The following MROH7 variants were observed in gnomAD, a reference collection of about 807,000 sequenced individuals.
The protein encoded by MROH7 is maestro heat-like repeat-containing protein family member 7.
Under a neutral mutation model 129.2 loss-of-function variants are expected in MROH7, and 113 were observed. The ratio of observed to expected loss-of-function variants is 0.87; its 90% confidence interval spans 0.75 to 1.02. The LOEUF (loss-of-function observed/expected upper bound fraction) is 1.02. MROH7 is among the 50% of genes least tolerant of loss of function. The pLI is 0.00. For synonymous variants in MROH7, 655 were observed against 667.9 expected, an observed-to-expected ratio of 0.98 and a Z score of 0.30; for missense variants, 1,601 against 1,671.3, an observed-to-expected ratio of 0.96 and a Z score of 0.73.
At chr1:54,677,412 AAAACAAAACAAAAC>A (rs1557709498) in intron 10 of MROH7, among the ~76,000 whole-genome samples, 3 of 152,198 alleles carry the variant, frequency 2.0e-5, no homozygotes, top group East Asian at 1.9e-4. Context: ...ACAAACAAAC[AAAACAAAACAAAAC>A]AAACAAAACA....
intron 19 of MROH7, 82 bp downstream of exon 19, chr1:54,701,404 GC>G: frequency 7.9e-7 from 1 of 1,270,880 alleles, no homozygotes. Context: ...TTCCACCTGT[GC>G]CCCCATCAGG....
chr1:54,681,874 G>T (rs1560854), intron 13 of MROH7, among the ~76,000 whole-genome samples: 18,083 of 152,168 alleles, frequency 0.12, 1,617 homozygotes, highest in African/African-American at 0.25. Flanking sequence ...GCCATATCTG[G>T]ACTCTGCAGC....
intron 16 of MROH7, among the ~76,000 whole-genome samples, chr1:54,693,005 C>T (rs370471378): frequency 6.6e-6 from 1 of 152,136 alleles, no homozygotes; most frequent in East Asian, 1.9e-4. Flanking sequence ...TAGTCAGACC[C>T]ACCTCTGAGG....
At chr1:54,701,591 T>C (rs1272586268) in intron 19 of MROH7, among the ~76,000 whole-genome samples, 3 of 152,212 alleles carry the variant, frequency 2.0e-5, no homozygotes, top group Non-Finnish European at 4.4e-5. Flanking sequence ...GGGGGTACTT[T>C]CTTTTTAAAG....
chr1:54,686,514 C>T (rs1433863162), intron 15 of MROH7, 66 bp downstream of exon 15: 14 of 1,445,292 alleles, frequency 9.7e-6, no homozygotes, highest in Non-Finnish European at 1.3e-5. Context: ...CAGTCAGAGC[C>T]TCCAAAAGTC....
chr1:54,681,894 G>C (rs1475985635), intron 13 of MROH7, among the ~76,000 whole-genome samples: 2 of 152,158 alleles, frequency 1.3e-5, no homozygotes, highest in Non-Finnish European at 1.5e-5. Flanking sequence ...CTCATTAGCT[G>C]TGTAATCTTG....
At chr1:54,666,362 G>T (rs1644814172) in intron 4 of MROH7, among the ~76,000 whole-genome samples, 1 of 150,980 alleles carries the variant, frequency 6.6e-6, no homozygotes, top group Non-Finnish European at 1.5e-5. Flanking sequence ...CCATTTTGAG[G>T]TTACAGAAAA....
At chr1:54,680,093 C>G (rs540380482) in intron 13 of MROH7, 48 bp downstream of exon 13, 1 of 1,581,972 alleles carries the variant, frequency 6.3e-7, no homozygotes, top group Non-Finnish European at 8.7e-7. Context: ...AGGGTTCAAG[C>G]AGCCCCCACC....
intron 10 of MROH7, among the ~76,000 whole-genome samples, chr1:54,674,791 C>G (rs1644955918): frequency 1.3e-5 from 2 of 152,144 alleles, no homozygotes; most frequent in Admixed American, 6.5e-5. Context: ...CTTTCTCCAT[C>G]ATCCTAGCTC....
At position 54,685,142 on chromosome 1, in the gene MROH7, G is replaced by A. The variant is rs1020830639; in HGVS notation, c.2521-1116G>A. Among the ~76,000 whole-genome samples, 12 of 151,946 alleles carry A rather than the reference G, an allele frequency of 7.9e-5. No homozygotes were observed. In the East Asian group the frequency reaches 9.7e-4, roughly 12 times the overall value. ...AGTGATTCTCATGCCTCAGCTTCCCGAGCAGCTGGGACTACAGGCACCCGC... is the reference window on the plus strand; with the variant it reads ...AGTGATTCTCATGCCTCAGCTTCCCAAGCAGCTGGGACTACAGGCACCCGC... On this transcript the variant is annotated intron_variant, in intron 14 of 23. Coordinates refer to ENST00000421030, the MANE Select transcript of MROH7 (RefSeq NM_001039464.4).
chr1:54,643,782 A>G (rs941904130), intron 1 of MROH7, among the ~76,000 whole-genome samples: 3 of 152,336 alleles, frequency 2.0e-5, no homozygotes, highest in African/African-American at 7.2e-5. Flanking sequence ...TTTTTATTTC[A>G]TCTGAGAATG....
In MROH7 at chr1:54,654,150, C is replaced by T. The variant is rs777447120; in HGVS notation, c.1224C>T (p.Ile408=). ...AGGACGCCGTGACCTTGCAAGGCAT[C>T]CCTGAGGGTAAGGCCAGGGCCGCAG... ...AGKDAVTLQG[I]PEGAFDEVTS... is the part of the protein sequence containing the mutation. The change falls in exon 3 of 24, where the codon ATC becomes ATT. Residue 408 remains isoleucine, a synonymous_variant. Transcript: ENST00000421030. 1 of 1,607,788 alleles carries T rather than the reference C, an allele frequency of 6.2e-7. No homozygotes were observed. The highest frequency in any genetic ancestry group is 1.1e-5 in the South Asian group (1 of 89,736).
At chr1:54,693,604 G>T (rs1381064274) in intron 16 of MROH7, among the ~76,000 whole-genome samples, 1 of 152,144 alleles carries the variant, frequency 6.6e-6, no homozygotes, top group East Asian at 1.9e-4. Context: ...CATGGCAGAG[G>T]TGGGAAGTGA....
In MROH7 at chr1:54,670,863, C is replaced by T. The variant is rs771116187; in HGVS notation, c.1533C>T (p.Ser511=). 15 of 1,613,546 alleles carry T rather than the reference C, an allele frequency of 9.3e-6. No homozygotes were observed. The highest frequency in any genetic ancestry group is 3.3e-5 in the South Asian group (3 of 90,888). Residue 511 remains serine (S), a synonymous_variant, in exon 7 of 24, where the codon AGC becomes AGT. Coordinates refer to ENST00000421030, the MANE Select transcript of MROH7 (RefSeq NM_001039464.4). ...AGCTGGTGAACGTGTGTGTGCACAG[C>T]GTGTTCTCCCTGCCCTCCGTGCAGG... The part of the protein sequence containing the change: ...RSELVNVCVH[S]VFSLPSVQAM...
intron 14 of MROH7, among the ~76,000 whole-genome samples, chr1:54,683,056 G>A (rs1274180615): frequency 6.6e-6 from 1 of 152,124 alleles, no homozygotes; most frequent in Non-Finnish European, 1.5e-5. Flanking sequence ...TCCTGGTTCT[G>A]GCCAGGCATG....
Position 54,678,746 on chromosome 1 carries a change from C to T in MROH7, c.1941C>T (p.Ala647=), listed in dbSNP as rs190794256. 218 of 1,612,222 alleles carry T rather than the reference C, an allele frequency of 1.4e-4. 2 individuals carry two copies. The East Asian group carries it at 4.1e-3, about 30-fold the overall frequency. The part of the protein sequence containing the change: ...LYTILELQKR[A]RDKEETNKKE... ...GAGAAGGTTCTCATCTTGCAGGAGC[C>T]AGAGATAAGGAAGAGACCAACAAAA... Residue 647 remains alanine, a synonymous_variant, in exon 11 of 24, where the codon GCC becomes GCT. Coordinates refer to ENST00000421030, the MANE Select transcript of MROH7 (RefSeq NM_001039464.4).
intron 15 of MROH7, among the ~76,000 whole-genome samples, chr1:54,688,367 C>T (rs1454447396): frequency 6.6e-6 from 1 of 151,886 alleles, no homozygotes; most frequent in Non-Finnish European, 1.5e-5. Flanking sequence ...CCACCATGTC[C>T]AGGCCAGAAA....
intron 22 of MROH7, 132 bp from the exon 23 acceptor site, chr1:54,708,882 A>C (rs1381925567): frequency 5.3e-6 from 4 of 748,384 alleles, no homozygotes; most frequent in Non-Finnish European, 9.2e-6. Flanking sequence ...GTCCAAATGA[A>C]GTTTTGTGTT....
intron 3 of MROH7, among the ~76,000 whole-genome samples, chr1:54,664,382 G>A (rs951697552): frequency 2.0e-5 from 3 of 152,248 alleles, no homozygotes; most frequent in Admixed American, 2.0e-4. Context: ...CAGAGCCCCA[G>A]GGTGGGGGTG....
Sources: allele counts gnomAD v4.1 joint callset (sites outside exome capture counted in the v4.1 genomes callset), GRCh38; gene constraint gnomAD v4.1.1; transcripts MANE v1.5; gene names NCBI Gene and HGNC (gene_info 2026-07-23, HGNC 2026-07-21).